HIF1A: variants seen among roughly 807,000 people sequenced by gnomAD.
The protein encoded by HIF1A is hypoxia inducible factor 1 subunit alpha.
HIF1A carries 24 observed loss-of-function variants against 92.7 expected under a neutral mutation model. That is an observed-to-expected ratio of 0.26 (90% CI 0.19 to 0.36). The LOEUF is 0.36. Among genes scored for constraint, HIF1A ranks in the 10% least tolerant of loss-of-function variants. The probability of loss-of-function intolerance (pLI) is 1.00; values close to 1 mark genes in which losing one functional copy is unlikely to be tolerated. For synonymous variants in HIF1A, 319 were observed against 338.7 expected (o/e 0.94, Z 0.64); for missense variants, 799 against 998.5 (o/e 0.80, Z 2.69).
chr14:61,712,813 C>A (rs866587475), intron 1 of HIF1A, among the ~76,000 whole-genome samples: 1 of 151,222 alleles, frequency 6.6e-6, no homozygotes, highest in Non-Finnish European at 1.5e-5. Flanking sequence ...GTCAAACTTA[C>A]GCACATCACT....
chr14:61,721,670 A>G lies in HIF1A; in HGVS notation c.372+16A>G. 6.2e-7 allele frequency: 1 copy of G among 1,611,662 alleles called. No homozygotes were observed. The highest frequency in any genetic ancestry group is 8.5e-7 in the Non-Finnish European group (1 of 1,178,070). On this transcript the variant is annotated intron_variant, in intron 3 of 14. Transcript: ENST00000337138. ...ATTAACTCAGGTAAAATGCACACATATTAAGAGCTCTTCTATATGTTTTTA... is the reference window on the plus strand; with the variant it reads ...ATTAACTCAGGTAAAATGCACACATGTTAAGAGCTCTTCTATATGTTTTTA...
chr14:61,740,301 A>G (rs1051852563), intron 10 of HIF1A: 61 of 375,832 alleles, frequency 1.6e-4, no homozygotes, highest in Non-Finnish European at 2.9e-5. Context: ...TCTTGACCTC[A>G]TTATCCCTCC....
intron 4 of HIF1A, among the ~76,000 whole-genome samples, chr14:61,724,349 T>TCTCTCTCTCTC (rs1555338397): frequency 5.6e-4 from 54 of 96,116 alleles, no homozygotes; most frequent in Non-Finnish European, 9.2e-4. Flanking sequence ...CACACACACA[T>TCTCTCTCTCTC]TCTCTCTCTC....
intron 8 of HIF1A, 150 bp from the exon 9 acceptor site, chr14:61,736,739 C>T (rs772119891): frequency 3.3e-5 from 20 of 601,580 alleles, no homozygotes; most frequent in African/African-American, 7.4e-5. Context: ...AAATGTGACA[C>T]AGTACGCATG....
chr14:61,746,998 T>C lies in HIF1A; in HGVS notation c.2394T>C (p.Tyr798=), dbSNP rs545874061. The C allele has an allele frequency of 1.9e-6, 3 of 1,613,824 alleles. No individual in the cohort carries two copies. Among genetic ancestry groups the C allele is most frequent in the East Asian group, 4.5e-5 (2 of 44,868 alleles). The part of the protein sequence containing the change: ...DESGLPQLTS[Y]DCEVNAPIQG... ...GTGGATTACCACAGCTGACCAGTTA[T>C]GATTGTGAAGTTAATGCTCCTATAC... Residue 798 remains tyrosine (Y), a synonymous_variant, in exon 15 of 15, where the codon TAT becomes TAC. Transcript: ENST00000337138.
intron 1 of HIF1A, among the ~76,000 whole-genome samples, 191 bp from the exon 2 acceptor site, chr14:61,720,191 G>A (rs927378030): frequency 6.6e-6 from 1 of 152,138 alleles, no homozygotes; most frequent in African/African-American, 2.4e-5. Context: ...TATGTGTGCA[G>A]TAATCCAAAA....
intron 8 of HIF1A, among the ~76,000 whole-genome samples, chr14:61,735,420 A>G (rs2044623534): frequency 6.6e-6 from 1 of 152,144 alleles, no homozygotes; most frequent in Admixed American, 6.5e-5. Flanking sequence ...TCCACTTGGA[A>G]TGTCTTTCTC....
chr14:61,704,479 G>A (rs1040425996), intron 1 of HIF1A, among the ~76,000 whole-genome samples: 9 of 152,138 alleles, frequency 5.9e-5, no homozygotes, highest in Admixed American at 2.0e-4. Context: ...GTTAAAGGAG[G>A]GGGAAATTAA....
chr14:61,745,491 AACTAAATTAACTGGAAAGTATTTAT>A (rs2044769208), intron 13 of HIF1A, 175 bp from the exon 14 acceptor site: 1 of 585,734 alleles, frequency 1.7e-6, no homozygotes, highest in African/African-American at 1.9e-5. Context: ...GATATTTTCA[AACTAAATTAACTGGAAAGTATTTAT>A]AGACAGAATG....
At chr14:61,741,261 T>C in intron 12 of HIF1A, 73 bp downstream of exon 12, 2 of 1,108,350 alleles carry the variant, frequency 1.8e-6, no homozygotes, top group South Asian at 1.7e-5. Flanking sequence ...AGTACATGAT[T>C]TTTAAACTTA....
chr14:61,698,486 C>T (rs560538880), intron 1 of HIF1A, among the ~76,000 whole-genome samples: 2 of 152,194 alleles, frequency 1.3e-5, no homozygotes, highest in Non-Finnish European at 2.9e-5. Flanking sequence ...GCACTTAGCC[C>T]ATTGCAGGAG....
At position 61,741,130 on chromosome 14, in the gene HIF1A, C is replaced by G. The variant is rs142325668; in HGVS notation, c.2035C>G (p.Gln679Glu). 6.9e-5 allele frequency: 112 copies of G among 1,613,236 alleles called. No individual in the cohort carries two copies. Among genetic ancestry groups the G allele is most frequent in the Non-Finnish European group, 8.3e-5 (98 of 1,179,808 alleles). The change falls in exon 12 of 15, where the codon CAG becomes GAG. Residue 679 changes from glutamine (Q) to glutamate (E), a missense_variant. Around this residue, in one of 2 missense-constraint regions of HIF1A, gnomAD observed 283 missense variants for 277.5 expected, o/e 1.02. Transcript: ENST00000337138. ...PNRAGKGVIE[Q>E]TEKSHPRSPN... ...CAGAGCAGGAAAAGGAGTCATAGAA[C>G]AGACAGAAAAATCTCATCCAAGAAG...
chr14:61,706,641 C>G (rs1426152638), intron 1 of HIF1A, among the ~76,000 whole-genome samples: 2 of 152,196 alleles, frequency 1.3e-5, no homozygotes, highest in Non-Finnish European at 2.9e-5. Context: ...TAATGTTTCT[C>G]AAACTTCTGT....
At chr14:61,734,313 T>C (rs779414911) in intron 8 of HIF1A, 28 bp downstream of exon 8, 1 of 1,529,632 alleles carries the variant, frequency 6.5e-7, no homozygotes, top group Admixed American at 1.8e-5. Flanking sequence ...ATAAACATTT[T>C]TGGGGAACAA....
chr14:61,701,578 T>TA (rs1261180268), intron 1 of HIF1A, among the ~76,000 whole-genome samples: 1 of 152,194 alleles, frequency 6.6e-6, no homozygotes, highest in Non-Finnish European at 1.5e-5. Context: ...TTTCTGTTCT[T>TA]AAGAGTCTTG....
intron 4 of HIF1A, among the ~76,000 whole-genome samples, chr14:61,726,168 T>C (rs1248283817): frequency 2.0e-5 from 3 of 152,064 alleles, no homozygotes; most frequent in Admixed American, 2.0e-4. Flanking sequence ...TGTTGTTTTC[T>C]CATAGTAACA....
chr14:61,723,787 A>G (rs906569856), intron 4 of HIF1A, among the ~76,000 whole-genome samples: 1 of 152,236 alleles, frequency 6.6e-6, no homozygotes, highest in African/African-American at 2.4e-5. Context: ...TCTAAATCAG[A>G]TAGTCTTAAT....
In HIF1A at chr14:61,742,304, C is replaced by T. The variant is rs113299749; in HGVS notation, c.2093+1116C>T. ...CTTCTCTACTATGTCTAGACTAAGC[C>T]AGATATCAATAGCAATAGGAAAGAA... is the stretch of plus-strand genomic sequence containing the variant. On this transcript the variant is annotated intron_variant, in intron 12 of 14. Coordinates refer to ENST00000337138, the MANE Select transcript of HIF1A (RefSeq NM_001530.4). 6.0e-3 allele frequency among the ~76,000 whole-genome samples: 906 copies of T among 152,208 alleles called. 13 individuals carry two copies. The highest frequency in any genetic ancestry group is 0.02 in the African/African-American group (845 of 41,504).
intron 1 of HIF1A, among the ~76,000 whole-genome samples, chr14:61,696,584 A>C (rs142955738): frequency 6.6e-6 from 1 of 152,326 alleles, no homozygotes; most frequent in Non-Finnish European, 1.5e-5. Flanking sequence ...TTTTAAAGAG[A>C]ACTTCAGAAT....
Sources: gnomAD v4.1 joint callset for allele counts (sites outside exome capture counted in the v4.1 genomes callset) on GRCh38, gnomAD v4.1.1 for gene constraint, gnomAD v4.1.1 regional missense constraint, MANE v1.5 for transcripts, NCBI Gene and HGNC (gene_info 2026-07-23, HGNC 2026-07-21) for gene names.